Variants in PPP1R8 observed in about 807,000 individuals in gnomAD.
The protein encoded by PPP1R8 is protein phosphatase 1 regulatory subunit 8, also known as nuclear inhibitor of protein phosphatase 1.
PPP1R8 carries 4 observed loss-of-function variants against 31.3 expected under a neutral mutation model. That is an observed-to-expected ratio of 0.13 (90% CI 0.06 to 0.29). The LOEUF (loss-of-function observed/expected upper bound fraction) is 0.29. Ranked by LOEUF, PPP1R8 falls within the 10% of genes least tolerant of loss-of-function variation. PPP1R8 has a pLI of 1.00. For missense variants in PPP1R8, 254 were observed against 440.1 expected (o/e 0.58, Z 3.78); for synonymous variants, 170 against 169.7 (o/e 1.00, Z -0.01).
At chr1:27,846,581 T>C (rs570871152) in intron 5 of PPP1R8, among the ~76,000 whole-genome samples, 1 of 152,406 alleles carries the variant, frequency 6.6e-6, no homozygotes, top group East Asian at 1.9e-4. Context: ...ATTTGATATG[T>C]GACCTCTTGA....
chr1:27,831,376 C>G (rs1571542325), intron 1 of PPP1R8: 1 of 986,064 alleles, frequency 1.0e-6, no homozygotes, highest in African/African-American at 1.7e-5. Flanking sequence ...GGTAGGTTAG[C>G]GCCATCCCTG....
intron 1 of PPP1R8, 194 bp downstream of exon 1, chr1:27,831,085 C>T (rs559207101): frequency 3.2e-5 from 44 of 1,367,936 alleles, no homozygotes; most frequent in Admixed American, 7.0e-5. Flanking sequence ...GGCCCAGGAA[C>T]TGAAGAAACC....
Position 27,830,930 on chromosome 1 carries a change from G to A in PPP1R8, c.56+39G>A, listed in dbSNP as rs1019641650. 1.1e-5 allele frequency: 17 copies of A among 1,524,764 alleles called. No homozygotes were observed. The Middle Eastern group carries it at 5.1e-4, about 46-fold the overall frequency. The allele number at this position is 1,524,764 out of a possible 1,614,324, so 94.5% of individuals were successfully genotyped here. A position where few individuals can be genotyped will look rare whatever the true frequency, so the allele number is the denominator to read the frequency against. On this transcript the variant is annotated intron_variant, in intron 1 of 6. Coordinates refer to ENST00000311772, the MANE Select transcript of PPP1R8 (RefSeq NM_014110.5). ...CGGCCAGGGCTAGAGTGGCCCGGCCGGAGCTAGCCTGGGCTGGAAGGGCGG... is the reference window on the plus strand; with the variant it reads ...CGGCCAGGGCTAGAGTGGCCCGGCCAGAGCTAGCCTGGGCTGGAAGGGCGG...
At chr1:27,850,055 C>G (rs1049275637) in intron 6 of PPP1R8, 38 bp from the exon 7 acceptor site, 2 of 1,506,238 alleles carry the variant, frequency 1.3e-6, no homozygotes, top group Non-Finnish European at 1.8e-6. Context: ...CTTGTCTTCT[C>G]TCTCCAATCT....
intron 5 of PPP1R8, among the ~76,000 whole-genome samples, chr1:27,845,998 G>GC (rs1010806894): frequency 1.3e-5 from 2 of 151,774 alleles, no homozygotes; most frequent in African/African-American, 4.8e-5. Context: ...CACCATGTTA[G>GC]CCAGGATGGT....
Position 27,838,937 on chromosome 1 carries a change from T to A in PPP1R8, c.271+85T>A, listed in dbSNP as rs910087877. 7.7e-6 allele frequency: 10 copies of A among 1,304,002 alleles called. No individual in the cohort carries two copies. In the African/African-American group the frequency reaches 1.5e-4, roughly 20 times the overall value. 80.8% of individuals were successfully genotyped at this position (1,304,002 alleles called of 1,614,324 possible). On this transcript the variant is annotated intron_variant, in intron 3 of 6. Coordinates refer to ENST00000311772, the MANE Select transcript of PPP1R8 (RefSeq NM_014110.5). ...GTTCTTTAGTTTGGAAATTACGTTT[T>A]ATGGAAAAAGTTAATGTTTGGTTTT... is the stretch of plus-strand genomic sequence containing the variant.
At chr1:27,838,627 CTATT>C (rs1360180296) in intron 2 of PPP1R8, 68 bp from the exon 3 acceptor site, 4 of 1,026,354 alleles carry the variant, frequency 3.9e-6, no homozygotes, top group Non-Finnish European at 4.0e-6. Flanking sequence ...TCAAGATTCT[CTATT>C]TGGGAGAGTT....
intron 2 of PPP1R8, 97 bp downstream of exon 2, chr1:27,832,913 C>A: frequency 3.0e-6 from 3 of 1,009,876 alleles, no homozygotes; most frequent in South Asian, 1.5e-5. Context: ...TGTTTTCCAG[C>A]AATGCTACTT....
At chr1:27,844,159 C>T (rs994360305) in intron 5 of PPP1R8, among the ~76,000 whole-genome samples, 4 of 151,994 alleles carry the variant, frequency 2.6e-5, no homozygotes, top group African/African-American at 9.7e-5. Context: ...CACGTCACCA[C>T]GCTCAGCTAA....
chr1:27,851,511 T>G lies in PPP1R8; in HGVS notation c.*1065T>G, dbSNP rs1557434879. 2 of 470,016 alleles carry G rather than the reference T, an allele frequency of 4.3e-6. No homozygotes were observed. Among genetic ancestry groups the G allele is most frequent in the Non-Finnish European group, 8.6e-6 (2 of 233,266 alleles). 29.1% of individuals were successfully genotyped at this position (470,016 alleles called of 1,614,324 possible). A position where few individuals can be genotyped will look rare whatever the true frequency, so the allele number is the denominator to read the frequency against. ...CTGTAACCTTTATTACATTGTAAAT[T>G]AAACGTAACTTTTGTCATTTGGGTG... is the stretch of plus-strand genomic sequence containing the variant. On this transcript the variant is annotated 3_prime_UTR_variant, in exon 7 of 7. Coordinates refer to ENST00000311772, the MANE Select transcript of PPP1R8 (RefSeq NM_014110.5).
chr1:27,832,385 C>G (rs942476326), intron 1 of PPP1R8, among the ~76,000 whole-genome samples: 2 of 152,152 alleles, frequency 1.3e-5, no homozygotes, highest in Non-Finnish European at 2.9e-5. Flanking sequence ...TTTATTCGGT[C>G]TTTATATGAT....
At chr1:27,831,535 T>G (rs2089107447) in intron 1 of PPP1R8, among the ~76,000 whole-genome samples, 1 of 152,220 alleles carries the variant, frequency 6.6e-6, no homozygotes, top group South Asian at 2.1e-4. Flanking sequence ...ATGAATTACC[T>G]TACAAGGAAA....
Position 27,851,448 on chromosome 1 carries a change from G to T in PPP1R8, c.*1002G>T. 3 of 434,112 alleles carry T rather than the reference G, an allele frequency of 6.9e-6. No homozygotes were observed. Among genetic ancestry groups the T allele is most frequent in the Non-Finnish European group, 9.4e-6 (2 of 213,376 alleles). The allele number at this position is 434,112 out of a possible 1,614,324, so 26.9% of individuals were successfully genotyped here. ...TTTGTACAGAGATTTGTACATTTGT[G>T]TAATAGGCCTTTTCATGCTTTATGT... On this transcript the variant is annotated 3_prime_UTR_variant, in exon 7 of 7. Coordinates refer to ENST00000311772, the MANE Select transcript of PPP1R8 (RefSeq NM_014110.5).
Position 27,845,383 on chromosome 1 carries a change from C to G in PPP1R8, c.638-1645C>G, listed in dbSNP as rs188576297. On this transcript the variant is annotated intron_variant, in intron 5 of 6. Transcript: ENST00000311772. ...CCAGCCTGGGCGACAGAGCAAGACTCCGTTTCAAAAAAAAAAAAGAAAGAA... is the reference window on the plus strand; with the variant it reads ...CCAGCCTGGGCGACAGAGCAAGACTGCGTTTCAAAAAAAAAAAAGAAAGAA... 2.6e-3 allele frequency among the ~76,000 whole-genome samples: 393 copies of G among 150,026 alleles called. 1 individual carries two copies. Among genetic ancestry groups the G allele is most frequent in the Non-Finnish European group, 4.3e-3 (290 of 67,552 alleles).
intron 5 of PPP1R8, among the ~76,000 whole-genome samples, chr1:27,846,081 C>T (rs998212319): frequency 6.6e-6 from 1 of 152,118 alleles, no homozygotes; most frequent in African/African-American, 2.4e-5. Context: ...TGAGCCACCG[C>T]ACCCGGCCAG....
intron 1 of PPP1R8, 131 bp downstream of exon 1, chr1:27,831,022 GTT>G (rs1380990731): frequency 7.1e-7 from 1 of 1,414,950 alleles, no homozygotes; most frequent in Non-Finnish European, 9.2e-7. Context: ...AGGAAAAACT[GTT>G]TGCTGCACCG....
intron 2 of PPP1R8, chr1:27,834,539 C>T (rs748561744): frequency 1.2e-5 from 6 of 518,698 alleles, no homozygotes; most frequent in Admixed American, 7.8e-5. Flanking sequence ...TAAAGATACA[C>T]TCTGAGTTAT....
intron 4 of PPP1R8, among the ~76,000 whole-genome samples, chr1:27,841,734 T>C (rs956112612): frequency 1.3e-5 from 2 of 152,234 alleles, no homozygotes; most frequent in African/African-American, 4.8e-5. Context: ...GTAGCTTTTT[T>C]TGGTGCTATC....
chr1:27,841,091 T>C lies in PPP1R8; in HGVS notation c.349T>C (p.Phe117Leu), dbSNP rs2089218260. 6.2e-7 allele frequency: 1 copy of C among 1,614,038 alleles called. No individual in the cohort carries two copies. Among genetic ancestry groups the C allele is most frequent in the African/African-American group, 1.3e-5 (1 of 74,910 alleles). ...AATTCCCATCGATTCCACGGTCTCA[T>C]TTGGCGCATCCACAAGGGCATACAC... ...QQIPIDSTVS[F>L]GASTRAYTLR... Residue 117 changes from phenylalanine to leucine, a missense_variant, in exon 4 of 7, where the codon TTT (phenylalanine) becomes CTT (leucine). Coordinates refer to ENST00000311772, the MANE Select transcript of PPP1R8 (RefSeq NM_014110.5).
Sources: gnomAD v4.1 joint callset for allele counts (sites outside exome capture counted in the v4.1 genomes callset) on GRCh38, gnomAD v4.1.1 for gene constraint, MANE v1.5 for transcripts, NCBI Gene and HGNC (gene_info 2026-07-23, HGNC 2026-07-21) for gene names.